The following CCSER1 variants were observed in gnomAD, a reference collection of about 807,000 sequenced individuals.
CCSER1 encodes serine-rich coiled-coil domain-containing protein 1.
A neutral mutation model predicts 82.0 loss-of-function variants in CCSER1; 41 were observed. The observed-to-expected ratio is 0.50, with a 90% CI of 0.39 to 0.65. CCSER1 has a LOEUF of 0.65. CCSER1 is among the 30% of genes least tolerant of loss of function. The probability of loss-of-function intolerance (pLI) is 0.00; values close to 1 mark genes in which losing one functional copy is unlikely to be tolerated. For synonymous variants in CCSER1, 414 were observed against 383.9 expected (o/e 1.08, Z -0.92); for missense variants, 1,119 against 1,064.2 (o/e 1.05, Z -0.72).
At chr4:90,731,274 AATAG>A (rs1164271237) in intron 7 of CCSER1, among the ~76,000 whole-genome samples, 3 of 152,172 alleles carry the variant, frequency 2.0e-5, no homozygotes, top group Non-Finnish European at 4.4e-5. Flanking sequence ...TGATGTTACA[AATAG>A]ATAGCATGAT....
intron 1 of CCSER1, among the ~76,000 whole-genome samples, chr4:90,159,349 G>A (rs1728987937): frequency 6.6e-6 from 1 of 152,070 alleles, no homozygotes; most frequent in Non-Finnish European, 1.5e-5. Flanking sequence ...CTGGCCCATT[G>A]CCAGGTTTTA....
At chr4:90,825,079 TC>T (rs1760234785) in intron 8 of CCSER1, among the ~76,000 whole-genome samples, 1 of 152,214 alleles carries the variant, frequency 6.6e-6, no homozygotes, top group African/African-American at 2.4e-5. Flanking sequence ...TCTTTAATAT[TC>T]AATGGAATTT....
chr4:90,987,648 G>GT (rs947951928), intron 9 of CCSER1, among the ~76,000 whole-genome samples: 6 of 151,562 alleles, frequency 4.0e-5, no homozygotes, highest in African/African-American at 1.2e-4. Flanking sequence ...TTCAACTTGT[G>GT]TTTTTTCTTG....
In CCSER1 at chr4:90,619,237, A is replaced by C. The variant is rs368863360; in HGVS notation, c.1725-8788A>C. Among the ~76,000 whole-genome samples, 182 of 152,088 alleles carry C rather than the reference A, an allele frequency of 1.2e-3. 7 individuals are homozygous for C. The East Asian group carries it at 0.025, about 20-fold the overall frequency. ...CCTCAGATGAGATTTTGTTAAACTC[A>C]TTACTCTTCTTCTGTAATTTAAAAT... On this transcript the variant is annotated intron_variant, in intron 5 of 10. Transcript: ENST00000509176.
At chr4:91,059,362 T>TATATACATATA (rs1491559862) in intron 9 of CCSER1, among the ~76,000 whole-genome samples, 10 of 84,468 alleles carry the variant, frequency 1.2e-4, no homozygotes, top group African/African-American at 3.1e-4. Flanking sequence ...CACGTGTGTA[T>TATATACATATA]GTGTGTGTGT....
At chr4:90,675,143 C>A (rs900562222) in intron 6 of CCSER1, among the ~76,000 whole-genome samples, 1 of 151,918 alleles carries the variant, frequency 6.6e-6, no homozygotes, top group African/African-American at 2.4e-5. Context: ...ATTAATAGTG[C>A]TTTACCTCAT....
intron 3 of CCSER1, among the ~76,000 whole-genome samples, chr4:90,319,015 A>G (rs1159433950): frequency 6.6e-6 from 1 of 151,472 alleles, no homozygotes; most frequent in African/African-American, 2.5e-5. Context: ...TCCAAAGTTA[A>G]GAAGAGTTAA....
At chr4:90,957,514 A>T (rs1219303073) in intron 9 of CCSER1, among the ~76,000 whole-genome samples, 2 of 115,660 alleles carry the variant, frequency 1.7e-5, no homozygotes, top group Admixed American at 1.0e-4. Context: ...TATATAATAT[A>T]ACATAATATC....
At chr4:90,264,019 C>G (rs1038018710) in intron 1 of CCSER1, among the ~76,000 whole-genome samples, 7 of 152,130 alleles carry the variant, frequency 4.6e-5, no homozygotes, top group African/African-American at 1.7e-4. Flanking sequence ...AGGCATAAAG[C>G]TACAAAAGAA....
rs77657659 is a variant in CCSER1, at chr4:90,401,782, G to A, written c.1603+1653G>A. On this transcript the variant is annotated intron_variant, in intron 4 of 10. Transcript: ENST00000509176. ...AGGCTCAAAAGATCCACTTGCCTCC[G>A]TCTCCCAAAGTGCAGGGATTACAAG... is the stretch of plus-strand genomic sequence containing the variant. Among the ~76,000 whole-genome samples the A allele has an allele frequency of 6.3e-3, 958 of 152,216 alleles. 4 individuals are homozygous for A. The highest frequency in any genetic ancestry group is 0.011 in the Non-Finnish European group (716 of 68,002).
chr4:90,276,002 G>A (rs1214523784), intron 1 of CCSER1, among the ~76,000 whole-genome samples: 2 of 152,124 alleles, frequency 1.3e-5, no homozygotes. Context: ...TGGGAGAAGA[G>A]TATGATCTCC....
chr4:90,573,713 T>C (rs1419493048), intron 5 of CCSER1, among the ~76,000 whole-genome samples: 2 of 152,204 alleles, frequency 1.3e-5, no homozygotes, highest in African/African-American at 2.4e-5. Flanking sequence ...CTCCCCCTCA[T>C]ATTTTTAATT....
At chr4:90,561,552 C>T (rs1173778272) in intron 5 of CCSER1, among the ~76,000 whole-genome samples, 1 of 152,118 alleles carries the variant, frequency 6.6e-6, no homozygotes, top group Non-Finnish European at 1.5e-5. Flanking sequence ...ATTTTTGAAT[C>T]TACATTTTAA....
At chr4:90,617,626 C>T (rs1721531785) in intron 5 of CCSER1, among the ~76,000 whole-genome samples, 1 of 152,150 alleles carries the variant, frequency 6.6e-6, no homozygotes, top group South Asian at 2.1e-4. Flanking sequence ...CATTTTGCAG[C>T]TTCTAACTTA....
intron 1 of CCSER1, among the ~76,000 whole-genome samples, chr4:90,140,013 A>C (rs1724447015): frequency 6.6e-6 from 1 of 152,102 alleles, no homozygotes; most frequent in Non-Finnish European, 1.5e-5. Flanking sequence ...AAAGCAAAAG[A>C]TCTCGGTAAT....
intron 6 of CCSER1, among the ~76,000 whole-genome samples, chr4:90,633,635 G>A (rs2148944355): frequency 6.6e-6 from 1 of 151,920 alleles, no homozygotes; most frequent in South Asian, 2.1e-4. Flanking sequence ...AATTTCAGAG[G>A]AAAAGGATAA....
In CCSER1 at chr4:90,468,216, C is replaced by G. The variant is rs755706459; in HGVS notation, c.1604-18C>G. ...TAAATAATTTTGACATTTACAATTCCTCGGTTTTTTTGAACAGTTTGCCGG... is the reference window on the plus strand; with the variant it reads ...TAAATAATTTTGACATTTACAATTCGTCGGTTTTTTTGAACAGTTTGCCGG... On this transcript the variant is annotated intron_variant, in intron 4 of 10. Coordinates refer to ENST00000509176, the MANE Select transcript of CCSER1 (RefSeq NM_001145065.2). 4 of 1,574,568 alleles carry G rather than the reference C, an allele frequency of 2.5e-6. No individual in the cohort carries two copies. The highest frequency in any genetic ancestry group is 2.5e-5 in the South Asian group (2 of 81,074).
intron 10 of CCSER1, among the ~76,000 whole-genome samples, chr4:91,556,221 ACAG>A (rs1762392079): frequency 1.3e-5 from 2 of 151,276 alleles, no homozygotes; most frequent in African/African-American, 4.9e-5. Flanking sequence ...CAGCTCATTG[ACAG>A]TTAAATACTT....
At chr4:90,170,674 G>A (rs1002462634) in intron 1 of CCSER1, among the ~76,000 whole-genome samples, 13 of 151,448 alleles carry the variant, frequency 8.6e-5, no homozygotes, top group African/African-American at 2.7e-4. Context: ...CTCTAGTTCC[G>A]TCCATGTTTT....
Sources: allele counts gnomAD v4.1 joint callset (sites outside exome capture counted in the v4.1 genomes callset), GRCh38; gene constraint gnomAD v4.1.1; transcripts MANE v1.5; gene names NCBI Gene and HGNC (gene_info 2026-07-23, HGNC 2026-07-21).